ADGRG6: variants seen among roughly 807,000 people sequenced by gnomAD.
The protein encoded by ADGRG6 is adhesion G protein-coupled receptor G6.
In ADGRG6, 84 loss-of-function variants were observed where a neutral mutation model predicts 142.4. The observed-to-expected ratio is 0.59, with a 90% CI of 0.49 to 0.71. The LOEUF (loss-of-function observed/expected upper bound fraction) is 0.71, where lower values mean the gene tolerates loss of function less well. ADGRG6 is among the 30% of genes least tolerant of loss of function. The probability of loss-of-function intolerance (pLI) is 0.00; values close to 1 mark genes in which losing one functional copy is unlikely to be tolerated. For synonymous variants in ADGRG6, 521 were observed against 520.5 expected (o/e 1.00, Z -0.01); for missense variants, 1,367 against 1,466.6 (o/e 0.93, Z 1.11).
chr6:142,343,726 C>A (rs953697415), intron 2 of ADGRG6, among the ~76,000 whole-genome samples: 8 of 151,546 alleles, frequency 5.3e-5, no homozygotes, highest in African/African-American at 1.9e-4. Context: ...TTAAATCATC[C>A]ATAATTTTAG....
At chr6:142,324,480 C>G (rs947780740) in intron 2 of ADGRG6, among the ~76,000 whole-genome samples, 1 of 152,144 alleles carries the variant, frequency 6.6e-6, no homozygotes, top group East Asian at 1.9e-4. Context: ...ACCATTTATT[C>G]AACCTAAAAC....
chr6:142,409,260 A>G (rs189564905), intron 16 of ADGRG6, among the ~76,000 whole-genome samples: 6 of 152,264 alleles, frequency 3.9e-5, no homozygotes, highest in Admixed American at 3.9e-4. Context: ...GTGGAAACAT[A>G]CAGTGTTTGT....
chr6:142,402,538 AT>A (rs1775574689), intron 12 of ADGRG6, 81 bp from the exon 13 acceptor site: 2 of 726,894 alleles, frequency 2.8e-6, no homozygotes, highest in Non-Finnish European at 4.7e-6. Flanking sequence ...AAAGTGAAAT[AT>A]TACACTCTAC....
chr6:142,338,006 C>CTTTTTTTTTTTTT (rs1562320880), intron 2 of ADGRG6, among the ~76,000 whole-genome samples: 1 of 68,138 alleles, frequency 1.5e-5, no homozygotes, highest in African/African-American at 7.2e-5. Flanking sequence ...CTTTTTATGC[C>CTTTTTTTTTTTTT]TTGTATCTTT....
At chr6:142,302,569 A>C (rs1488274398) in intron 1 of ADGRG6, 5 of 518,974 alleles carry the variant, frequency 9.6e-6, no homozygotes, top group South Asian at 6.2e-5. Context: ...AGCGAGGTAA[A>C]CCTCACATTT....
At chr6:142,370,087 G>A (rs1054214795) in intron 3 of ADGRG6, 83 bp from the exon 4 acceptor site, 6 of 1,192,348 alleles carry the variant, frequency 5.0e-6, no homozygotes, top group Non-Finnish European at 7.0e-6. Flanking sequence ...AGTAGAAAGC[G>A]ATGGAGGGCT....
At chr6:142,368,466 T>C (rs1041175682) in intron 3 of ADGRG6, among the ~76,000 whole-genome samples, 1 of 152,126 alleles carries the variant, frequency 6.6e-6, no homozygotes, top group Non-Finnish European at 1.5e-5. Context: ...CAACATAACA[T>C]TTAAATAATC....
intron 2 of ADGRG6, among the ~76,000 whole-genome samples, chr6:142,353,022 A>G (rs1022372251): frequency 6.6e-6 from 1 of 152,168 alleles, no homozygotes; most frequent in African/African-American, 2.4e-5. Flanking sequence ...GATGAAGGAA[A>G]TCTATAACTT....
intron 22 of ADGRG6, among the ~76,000 whole-genome samples, chr6:142,423,487 T>C (rs1227603971): frequency 2.0e-5 from 3 of 151,304 alleles, no homozygotes; most frequent in Admixed American, 6.6e-5. Flanking sequence ...TGTAGATATG[T>C]GGCGTTATTT....
intron 9 of ADGRG6, among the ~76,000 whole-genome samples, chr6:142,395,580 G>A (rs975422725): frequency 6.6e-6 from 1 of 152,172 alleles, no homozygotes; most frequent in Non-Finnish European, 1.5e-5. Flanking sequence ...TGGGATTTCA[G>A]TTTCCTGGTC....
intron 19 of ADGRG6, among the ~76,000 whole-genome samples, chr6:142,415,544 G>A (rs1445500705): frequency 6.6e-6 from 1 of 152,014 alleles, no homozygotes; most frequent in African/African-American, 2.4e-5. Context: ...AAAAAATTCA[G>A]TTGAAGCCCA....
At chr6:142,407,705 G>A (rs1486749962) in intron 15 of ADGRG6, among the ~76,000 whole-genome samples, 1 of 152,150 alleles carries the variant, frequency 6.6e-6, no homozygotes, top group African/African-American at 2.4e-5. Context: ...AACATGTCAG[G>A]CTGTTGGCAT....
At chr6:142,313,013 G>A (rs1777845857) in intron 2 of ADGRG6, among the ~76,000 whole-genome samples, 1 of 152,012 alleles carries the variant, frequency 6.6e-6, no homozygotes, top group Non-Finnish European at 1.5e-5. Flanking sequence ...AACAAAACAT[G>A]GAATGATACT....
At chr6:142,343,555 A>G (rs919315872) in intron 2 of ADGRG6, among the ~76,000 whole-genome samples, 2 of 151,862 alleles carry the variant, frequency 1.3e-5, no homozygotes, top group Non-Finnish European at 2.9e-5. Flanking sequence ...TTAAATCTAC[A>G]TTCAGGTTTT....
At chr6:142,426,863 G>A (rs1396694099) in intron 22 of ADGRG6, among the ~76,000 whole-genome samples, 2 of 152,316 alleles carry the variant, frequency 1.3e-5, no homozygotes, top group East Asian at 3.9e-4. Context: ...TCCACCCTCT[G>A]AAGCAACAGC....
rs748773267 is a variant in ADGRG6, at chr6:142,438,198, ATT to A, written c.3422-5_3422-4del. On this transcript the variant is annotated splice_polypyrimidine_tract_variant and intron_variant, in intron 23 of 24. Coordinates refer to ENST00000367609, the MANE Select transcript of ADGRG6 (RefSeq NM_198569.3). ...TAAAGCAGATTGATAGGGTGATGTC[ATT>A]TTTTTTTTCAGATTGGAGTAAGACA... 10 of 1,420,826 alleles carry A rather than the reference ATT, an allele frequency of 7.0e-6. No individual in the cohort carries two copies. The highest frequency in any genetic ancestry group is 4.1e-5 in the Admixed American group (2 of 49,090). 88.0% of individuals were successfully genotyped at this position (1,420,826 alleles called of 1,614,324 possible).
chr6:142,311,841 G>A (rs1002666159), intron 2 of ADGRG6, among the ~76,000 whole-genome samples: 2 of 151,880 alleles, frequency 1.3e-5, no homozygotes, highest in African/African-American at 4.8e-5. Context: ...GTGCAAACAG[G>A]ACTCCTAGTT....
intron 1 of ADGRG6, among the ~76,000 whole-genome samples, chr6:142,309,261 G>C (rs1048487051): frequency 6.6e-6 from 1 of 151,672 alleles, no homozygotes; most frequent in African/African-American, 2.4e-5. Flanking sequence ...TTTTTGAATT[G>C]TCTGACTACC....
intron 14 of ADGRG6, among the ~76,000 whole-genome samples, chr6:142,404,411 T>G (rs980816924): frequency 1.3e-5 from 2 of 151,730 alleles, no homozygotes; most frequent in African/African-American, 4.8e-5. Context: ...GAGGCCGAGG[T>G]GGGTGGATCA....
Sources: gnomAD v4.1 joint callset for allele counts (sites outside exome capture counted in the v4.1 genomes callset) on GRCh38, gnomAD v4.1.1 for gene constraint, MANE v1.5 for transcripts, NCBI Gene and HGNC (gene_info 2026-07-23, HGNC 2026-07-21) for gene names.